Variants in PHTF1 observed in about 807,000 individuals in gnomAD.
PHTF1 encodes the protein putative homeodomain transcription factor 1, also known as protein PHTF1.
In PHTF1, 88 loss-of-function variants were observed where a neutral mutation model predicts 102.4. The ratio of observed to expected loss-of-function variants is 0.86; its 90% CI spans 0.72 to 1.03. PHTF1 has a LOEUF of 1.03. PHTF1 is among the 50% of genes least tolerant of loss of function. The pLI, the probability that PHTF1 is intolerant of heterozygous loss-of-function variation, is 0.00. For synonymous variants in PHTF1, 289 were observed against 305.2 expected (o/e 0.95, Z 0.55); for missense variants, 814 against 909.5 (o/e 0.89, Z 1.35).
In PHTF1 at chr1:113,696,866, T is replaced by C. The variant is rs577253209; in HGVS notation, c.*839A>G. The C allele has an allele frequency of 2.5e-4, 38 of 152,272 alleles. No individual in the cohort carries two copies. Among genetic ancestry groups the C allele is most frequent in the African/African-American group, 9.1e-4 (38 of 41,556 alleles). The allele number at this position is 152,272 out of a possible 1,614,324, so 9.4% of individuals were successfully genotyped here. A position where few individuals can be genotyped will look rare whatever the true frequency, so the allele number is the denominator to read the frequency against. Reference sequence around the variant, plus strand: ...TGTACGGAGGGTTTAATACATTAAGTTGCACAACTGATAAACTATCAATGA... The same window carrying C: ...TGTACGGAGGGTTTAATACATTAAGCTGCACAACTGATAAACTATCAATGA... On this transcript the variant is annotated 3_prime_UTR_variant, in exon 19 of 19. Coordinates refer to ENST00000369604, the MANE Select transcript of PHTF1 (RefSeq NM_001323043.2).
chr1:113,731,470 G>A (rs893197878), intron 5 of PHTF1, among the ~76,000 whole-genome samples: 2 of 151,938 alleles, frequency 1.3e-5, no homozygotes, highest in Non-Finnish European at 1.5e-5. Context: ...GCTCAAGGCT[G>A]TAGTGAAATA....
intron 3 of PHTF1, among the ~76,000 whole-genome samples, chr1:113,744,867 T>C (rs1327404683): frequency 6.6e-6 from 1 of 151,520 alleles, no homozygotes; most frequent in Non-Finnish European, 1.5e-5. Flanking sequence ...GAGAATTCCT[T>C]GAATCAGGGA....
At chr1:113,722,800 G>GT (rs1653172283) in intron 7 of PHTF1, among the ~76,000 whole-genome samples, 1 of 151,122 alleles carries the variant, frequency 6.6e-6, no homozygotes, top group South Asian at 2.1e-4. Context: ...GCAGGCGCCT[G>GT]TAATCCCAGC....
intron 3 of PHTF1, among the ~76,000 whole-genome samples, 175 bp downstream of exon 3, chr1:113,757,524 G>A (rs1659063914): frequency 1.3e-5 from 2 of 152,196 alleles, no homozygotes; most frequent in Admixed American, 6.5e-5. Flanking sequence ...TTTCCTGATA[G>A]TGAGGCCAAA....
chr1:113,726,389 T>C (rs939354677), intron 6 of PHTF1, 29 bp downstream of exon 6: 2 of 1,487,230 alleles, frequency 1.3e-6, no homozygotes, highest in Non-Finnish European at 1.9e-6. Context: ...CCAGAAAATA[T>C]ACAACTACAG....
chr1:113,705,856 A>G, intron 13 of PHTF1, 34 bp downstream of exon 13: 1 of 1,566,718 alleles, frequency 6.4e-7, no homozygotes, highest in Non-Finnish European at 8.7e-7. Flanking sequence ...ATATACAAAA[A>G]CAGGTAAAAA....
chr1:113,734,001 T>A (rs1442220706), intron 5 of PHTF1, among the ~76,000 whole-genome samples: 1 of 152,350 alleles, frequency 6.6e-6, no homozygotes, highest in African/African-American at 2.4e-5. Flanking sequence ...GGTTCACACC[T>A]GTAATCCCAG....
At chr1:113,699,410 T>C (rs1332721762) in intron 17 of PHTF1, 3 of 539,382 alleles carry the variant, frequency 5.6e-6, no homozygotes, top group Non-Finnish European at 1.1e-5. Context: ...TGGTCCTTGA[T>C]GCACAGAGAA....
At chr1:113,702,121 A>G (rs1253275989) in intron 15 of PHTF1, among the ~76,000 whole-genome samples, 1 of 152,112 alleles carries the variant, frequency 6.6e-6, no homozygotes, top group Non-Finnish European at 1.5e-5. Flanking sequence ...GTGAAGGACA[A>G]TAATACAAAA....
chr1:113,698,607 TTATA>T (rs150694931), intron 17 of PHTF1, among the ~76,000 whole-genome samples: 8,414 of 122,238 alleles, frequency 0.069, 278 homozygotes, highest in Non-Finnish European at 0.092. Context: ...ATTTGTAGTT[TTATA>T]TATATATATA....
At chr1:113,710,633 TG>T (rs1160134744) in intron 10 of PHTF1, among the ~76,000 whole-genome samples, 158 bp from the exon 11 acceptor site, 1 of 151,910 alleles carries the variant, frequency 6.6e-6, no homozygotes, top group South Asian at 2.1e-4. Flanking sequence ...GTAACAATAA[TG>T]CTTTTTTATT....
intron 3 of PHTF1, among the ~76,000 whole-genome samples, chr1:113,750,105 C>G (rs1158233570): frequency 6.6e-6 from 1 of 152,132 alleles, no homozygotes; most frequent in Non-Finnish European, 1.5e-5. Flanking sequence ...GGCGATCCCC[C>G]CCAACCAGCT....
chr1:113,730,427 A>G (rs1654468806), intron 5 of PHTF1, among the ~76,000 whole-genome samples: 1 of 152,224 alleles, frequency 6.6e-6, no homozygotes, highest in Non-Finnish European at 1.5e-5. Context: ...GGAACAAAAC[A>G]AGGATGACCA....
rs1557904222 is a variant in PHTF1, at chr1:113,704,084, AG to A, written c.1886del (p.Ala629ValfsTer11). 1 of 1,606,256 alleles carries A rather than the reference AG, an allele frequency of 6.2e-7. No individual in the cohort carries two copies. The highest frequency in any genetic ancestry group is 2.2e-5 in the East Asian group (1 of 44,856). Reference protein sequence around the residue: ...LTLSIAFICCAQVLQGHKTFL... With the variant: ...LTLSIAFICCXQVLQGHKTFL... Reference sequence around the variant, plus strand: ...AAAGCAGATGTGAAACTTTTACCTGAGCACAACAAATGAAAGCAATCGAAAG... The same window carrying A: ...AAAGCAGATGTGAAACTTTTACCTGACACAACAAATGAAAGCAATCGAAAG... On this transcript the variant is annotated frameshift_variant, in exon 15 of 19. Coordinates refer to ENST00000369604, the MANE Select transcript of PHTF1 (RefSeq NM_001323043.2). LOFTEE classifies it high-confidence loss of function.
chr1:113,722,604 A>G (rs1447665596), intron 7 of PHTF1, among the ~76,000 whole-genome samples: 1 of 151,978 alleles, frequency 6.6e-6, no homozygotes, highest in African/African-American at 2.4e-5. Flanking sequence ...AAAATAGAAA[A>G]AACAATCCTA....
In PHTF1 at chr1:113,697,709, G is replaced by A. The variant is rs1648946102; in HGVS notation, c.2285C>T (p.Ser762Leu). The A allele has an allele frequency of 6.2e-7, 1 of 1,604,778 alleles. No individual in the cohort carries two copies. ...GFNIRLWKIK[S>L] ...GAGTCCAGGCATTTACTCAGCTTAT[G>A]ATTTAATTTTCCACAGCTAAGAGAA... The change falls in exon 19 of 19, where the codon TCA becomes TTA. Residue 762 changes from serine to leucine, a missense_variant. Transcript: ENST00000369604.
At position 113,704,648 on chromosome 1, in the gene PHTF1, T is replaced by A. The variant is rs758262574; in HGVS notation, c.1803+18A>T. Reference sequence around the variant, plus strand: ...CATATTCTTGCACATACTCTATTGTTAATCAAATAAAACTCACCTTTAGAT... The same window carrying A: ...CATATTCTTGCACATACTCTATTGTAAATCAAATAAAACTCACCTTTAGAT... On this transcript the variant is annotated intron_variant, in intron 14 of 18. Transcript: ENST00000369604. 3.9e-6 allele frequency: 6 copies of A among 1,555,568 alleles called. No homozygotes were observed. The East Asian group carries it at 9.0e-5, about 23-fold the overall frequency.
intron 5 of PHTF1, among the ~76,000 whole-genome samples, chr1:113,730,056 T>G (rs1654414228): frequency 6.6e-6 from 1 of 152,060 alleles, no homozygotes; most frequent in Admixed American, 6.6e-5. Context: ...GTTCTGAGAG[T>G]CATTCCATCC....
intron 12 of PHTF1, 79 bp downstream of exon 12, chr1:113,706,515 T>C (rs1205386068): frequency 3.6e-6 from 4 of 1,114,198 alleles, no homozygotes; most frequent in Non-Finnish European, 5.0e-6. Flanking sequence ...ACTGTTTTAA[T>C]CACTAAGAGA....
Sources: allele counts gnomAD v4.1 joint callset (sites outside exome capture counted in the v4.1 genomes callset), GRCh38; gene constraint gnomAD v4.1.1; transcripts MANE v1.5; gene names NCBI Gene and HGNC (gene_info 2026-07-23, HGNC 2026-07-21).